The following ZNF385B variants were observed in gnomAD, a reference collection of about 807,000 sequenced individuals.
ZNF385B encodes zinc finger protein 385B.
In ZNF385B, 23 loss-of-function variants were observed where a neutral mutation model predicts 39.2. The ratio of observed to expected loss-of-function variants is 0.59; its 90% CI spans 0.42 to 0.83. The LOEUF (loss-of-function observed/expected upper bound fraction) is 0.83. Among genes scored for constraint, ZNF385B ranks in the 40% least tolerant of loss-of-function variants. ZNF385B has a pLI of 0.00. For synonymous variants in ZNF385B, 205 were observed against 222.6 expected (o/e 0.92, Z 0.70); for missense variants, 552 against 598.9 (o/e 0.92, Z 0.82).
chr2:179,552,781 C>T (rs903915305), intron 3 of ZNF385B, among the ~76,000 whole-genome samples: 24 of 149,006 alleles, frequency 1.6e-4, no homozygotes, highest in Admixed American at 6.7e-5. Flanking sequence ...AAGGATTTTG[C>T]CTTTGAAAAG....
At chr2:179,728,744 C>T (rs1248723436) in intron 3 of ZNF385B, among the ~76,000 whole-genome samples, 1 of 151,946 alleles carries the variant, frequency 6.6e-6, no homozygotes, top group Non-Finnish European at 1.5e-5. Context: ...GACTTTGGGA[C>T]AGGAAGAAAA....
chr2:179,808,656 A>G (rs1285069433), intron 1 of ZNF385B, among the ~76,000 whole-genome samples: 1 of 152,222 alleles, frequency 6.6e-6, no homozygotes, highest in Non-Finnish European at 1.5e-5. Context: ...AATAAATGAC[A>G]AAGAGGAGAT....
chr2:179,469,391 G>C (rs1057061082), intron 6 of ZNF385B, among the ~76,000 whole-genome samples: 1 of 152,160 alleles, frequency 6.6e-6, no homozygotes, highest in Non-Finnish European at 1.5e-5. Context: ...GTGGCCTGTG[G>C]GCTGTGGGTT....
intron 3 of ZNF385B, among the ~76,000 whole-genome samples, chr2:179,640,764 GTTAA>G (rs1441581793): frequency 6.6e-6 from 1 of 152,034 alleles, no homozygotes; most frequent in East Asian, 1.9e-4. Context: ...ATTACACTTG[GTTAA>G]TTGAGTAAAA....
intron 3 of ZNF385B, among the ~76,000 whole-genome samples, chr2:179,673,896 A>T (rs1484740113): frequency 6.6e-6 from 1 of 152,216 alleles, no homozygotes; most frequent in African/African-American, 2.4e-5. Context: ...AGTAAATAAG[A>T]TTTATAAACC....
intron 3 of ZNF385B, among the ~76,000 whole-genome samples, chr2:179,697,153 T>G (rs556113193): frequency 6.6e-6 from 1 of 152,340 alleles, no homozygotes; most frequent in East Asian, 1.9e-4. Context: ...TGTGCCTTTT[T>G]TGTTTTGGAC....
chr2:179,520,166 C>T (rs2058379822), intron 4 of ZNF385B, among the ~76,000 whole-genome samples: 1 of 150,540 alleles, frequency 6.6e-6, no homozygotes, highest in Non-Finnish European at 1.5e-5. Context: ...ACCCTGTCTC[C>T]ATCTTAAAAA....
At chr2:179,623,425 G>T (rs922306630) in intron 3 of ZNF385B, among the ~76,000 whole-genome samples, 1 of 152,192 alleles carries the variant, frequency 6.6e-6, no homozygotes, top group African/African-American at 2.4e-5. Flanking sequence ...TTGAGGCTAA[G>T]ATGTGAGTAC....
intron 4 of ZNF385B, among the ~76,000 whole-genome samples, chr2:179,529,166 C>T (rs1383639729): frequency 6.6e-6 from 1 of 152,120 alleles, no homozygotes; most frequent in Non-Finnish European, 1.5e-5. Context: ...TAAATGCACA[C>T]TGAAAGGTCT....
chr2:179,664,910 C>A (rs906792952), intron 3 of ZNF385B, among the ~76,000 whole-genome samples: 10 of 151,712 alleles, frequency 6.6e-5, no homozygotes, highest in Non-Finnish European at 1.5e-4. Context: ...TTTTTTTGCA[C>A]TAAATTATAA....
intron 5 of ZNF385B, among the ~76,000 whole-genome samples, chr2:179,508,900 G>A (rs574783138): frequency 1.3e-5 from 2 of 151,114 alleles, no homozygotes; most frequent in African/African-American, 4.9e-5. Context: ...ATATTTCCTT[G>A]TTAGTTAAAT....
intron 4 of ZNF385B, among the ~76,000 whole-genome samples, chr2:179,522,653 A>G (rs2105821769): frequency 6.6e-6 from 1 of 152,100 alleles, no homozygotes; most frequent in East Asian, 1.9e-4. Context: ...ATTGTTAAAA[A>G]TGAACAAGTA....
chr2:179,730,789 A>G (rs1272343838), intron 3 of ZNF385B, among the ~76,000 whole-genome samples: 1 of 152,164 alleles, frequency 6.6e-6, no homozygotes, highest in Non-Finnish European at 1.5e-5. Flanking sequence ...AAAAATTATT[A>G]TGATACAAAG....
At chr2:179,686,837 A>G (rs750720581) in intron 3 of ZNF385B, among the ~76,000 whole-genome samples, 8 of 152,304 alleles carry the variant, frequency 5.3e-5, no homozygotes, top group South Asian at 2.1e-4. Context: ...TTAGAAATAC[A>G]TATCTTAGAA....
Position 179,527,211 on chromosome 2 carries a change from C to T in ZNF385B, c.442-8573G>A, listed in dbSNP as rs572212479. ...TTCAGTTTTTCCCAATTTTCTAGGG[C>T]TTCCTTAATGGCAGTATATATTCCC... On this transcript the variant is annotated intron_variant, in intron 4 of 9. Transcript: ENST00000410066. 1.2e-3 allele frequency among the ~76,000 whole-genome samples: 190 copies of T among 152,270 alleles called. 1 individual carries two copies. The highest frequency in any genetic ancestry group is 4.3e-3 in the African/African-American group (180 of 41,560).
intron 1 of ZNF385B, among the ~76,000 whole-genome samples, chr2:179,777,769 G>GTTT (rs71029831): frequency 1.0e-3 from 150 of 143,724 alleles, no homozygotes; most frequent in East Asian, 5.6e-3. Context: ...ATATCAAGAG[G>GTTT]TTTTTTTTTT....
chr2:179,599,815 T>A (rs978331774), intron 3 of ZNF385B, among the ~76,000 whole-genome samples: 6 of 152,174 alleles, frequency 3.9e-5, no homozygotes, highest in African/African-American at 9.7e-5. Flanking sequence ...CCAGGTTTGA[T>A]GACTTAGTAA....
intron 3 of ZNF385B, among the ~76,000 whole-genome samples, chr2:179,581,989 A>G (rs1174902393): frequency 2.0e-5 from 3 of 152,180 alleles, no homozygotes; most frequent in African/African-American, 7.2e-5. Context: ...TGCTCTTGTT[A>G]TAGTAAACTA....
At chr2:179,638,616 T>G (rs1320309700) in intron 3 of ZNF385B, among the ~76,000 whole-genome samples, 2 of 152,148 alleles carry the variant, frequency 1.3e-5, no homozygotes, top group Non-Finnish European at 2.9e-5. Context: ...GCTATAATAC[T>G]GCTGTGTATG....
Sources: allele counts gnomAD v4.1 joint callset (sites outside exome capture counted in the v4.1 genomes callset), GRCh38; gene constraint gnomAD v4.1.1; transcripts MANE v1.5; gene names NCBI Gene and HGNC (gene_info 2026-07-23, HGNC 2026-07-21).